RABGAP1L: variants seen among roughly 807,000 people sequenced by gnomAD.
RABGAP1L encodes the protein rab GTPase-activating protein 1-like.
RABGAP1L carries 63 observed loss-of-function variants against 137.7 expected under a neutral mutation model. The observed-to-expected ratio is 0.46, with a 90% CI of 0.37 to 0.56. The LOEUF (loss-of-function observed/expected upper bound fraction) is 0.56, where lower values mean the gene tolerates loss of function less well. Among genes scored for constraint, RABGAP1L ranks in the 20% least tolerant of loss-of-function variants. The probability of loss-of-function intolerance (pLI) is 0.00; values close to 1 mark genes in which losing one functional copy is unlikely to be tolerated. For missense variants in RABGAP1L, 1,095 were observed against 1,244.0 expected (o/e 0.88, Z 1.80); for synonymous variants, 431 against 433.7 (o/e 0.99, Z 0.08).
intron 13 of RABGAP1L, chr1:174,548,629 CTTCCAATATTTCAGTATTTGGCTA>C: frequency 1.1e-6 from 1 of 887,062 alleles, no homozygotes; most frequent in Non-Finnish European, 1.4e-6. Context: ...TACCACCCAT[CTTCCAATATTTCAGTATTTGGCTA>C]GGTTCCCCTC....
chr1:174,163,695 T>C (rs1664689035), intron 1 of RABGAP1L, among the ~76,000 whole-genome samples: 1 of 151,476 alleles, frequency 6.6e-6, no homozygotes, highest in East Asian at 1.9e-4. Flanking sequence ...GTGATAGACA[T>C]AGTACAGCCA....
In RABGAP1L at chr1:174,323,184, C is replaced by CAT. The variant is rs550839728; in HGVS notation, c.1465+18064_1465+18065dup. On this transcript the variant is annotated intron_variant, in intron 11 of 25. Coordinates refer to ENST00000681986, the MANE Select transcript of RABGAP1L (RefSeq NM_001366446.1). Reference sequence around the variant, plus strand: ...TTTGGTTTAAGAATCTGTTTTGTGGCATATATATTAGATATTTAGTATACG... The same window carrying CAT: ...TTTGGTTTAAGAATCTGTTTTGTGGCATATATATATTAGATATTTAGTATACG... 2.0e-5 allele frequency among the ~76,000 whole-genome samples: 3 copies of CAT among 152,058 alleles called. 1 individual carries two copies. The South Asian group carries it at 6.2e-4, about 32-fold the overall frequency.
At chr1:174,252,298 A>G (rs778541224) in intron 6 of RABGAP1L, 182 bp from the exon 7 acceptor site, 45 of 615,718 alleles carry the variant, frequency 7.3e-5, no homozygotes, top group East Asian at 6.6e-4. Flanking sequence ...GTTGCTGACT[A>G]TAAAGTTTAT....
At chr1:174,562,655 C>T (rs1667299752) in intron 13 of RABGAP1L, among the ~76,000 whole-genome samples, 1 of 152,088 alleles carries the variant, frequency 6.6e-6, no homozygotes, top group South Asian at 2.1e-4. Flanking sequence ...ACGTATACAC[C>T]ACGGAATACT....
At chr1:174,216,185 G>T (rs1301263077) in intron 1 of RABGAP1L, among the ~76,000 whole-genome samples, 1 of 152,110 alleles carries the variant, frequency 6.6e-6, no homozygotes, top group African/African-American at 2.4e-5. Context: ...ACATGGGGAT[G>T]GTTAATAGGT....
intron 11 of RABGAP1L, among the ~76,000 whole-genome samples, chr1:174,342,500 A>G (rs1682061579): frequency 6.6e-6 from 1 of 152,234 alleles, no homozygotes; most frequent in African/African-American, 2.4e-5. Flanking sequence ...ATAAATTAAC[A>G]AAACTGTAAA....
intron 13 of RABGAP1L, among the ~76,000 whole-genome samples, chr1:174,552,420 G>A (rs1351449999): frequency 6.6e-6 from 1 of 152,024 alleles, no homozygotes; most frequent in Non-Finnish European, 1.5e-5. Flanking sequence ...GAGAACATGT[G>A]GTATTTGGTT....
chr1:174,662,121 T>TTTG (rs59243192), intron 14 of RABGAP1L, among the ~76,000 whole-genome samples: 10,453 of 135,068 alleles, frequency 0.077, 596 homozygotes, highest in African/African-American at 0.094. Context: ...TTTTTTTTTT[T>TTTG]GAGTTGGAGT....
chr1:174,778,579 C>T (rs908089055), intron 18 of RABGAP1L, among the ~76,000 whole-genome samples: 1 of 152,018 alleles, frequency 6.6e-6, no homozygotes, highest in African/African-American at 2.4e-5. Context: ...TAGCTTTCAA[C>T]AATAAGTCCT....
At chr1:174,654,210 T>C (rs1014513178) in intron 14 of RABGAP1L, among the ~76,000 whole-genome samples, 1 of 152,208 alleles carries the variant, frequency 6.6e-6, no homozygotes, top group African/African-American at 2.4e-5. Context: ...CTGTGCTCAG[T>C]CACAGCTCCT....
intron 18 of RABGAP1L, among the ~76,000 whole-genome samples, chr1:174,779,152 A>G (rs905134377): frequency 2.0e-5 from 3 of 152,096 alleles, no homozygotes; most frequent in Non-Finnish European, 4.4e-5. Context: ...CTCCCATCAA[A>G]AGTATTTGAG....
intron 13 of RABGAP1L, among the ~76,000 whole-genome samples, chr1:174,447,890 G>GCTCC (rs1654951888): frequency 1.4e-5 from 1 of 69,566 alleles, no homozygotes; most frequent in Non-Finnish European, 3.0e-5. Context: ...ACCCCTTACC[G>GCTCC]CCCCCCCCCC....
chr1:174,509,403 CCTCTT>C (rs1262529144), intron 13 of RABGAP1L, among the ~76,000 whole-genome samples: 1 of 152,094 alleles, frequency 6.6e-6, no homozygotes, highest in Non-Finnish European at 1.5e-5. Context: ...ACTCCTACCT[CCTCTT>C]CTTTCTTCCT....
intron 19 of RABGAP1L, among the ~76,000 whole-genome samples, chr1:174,920,765 C>T (rs1661659615): frequency 6.6e-6 from 1 of 152,124 alleles, no homozygotes; most frequent in Admixed American, 6.6e-5. Flanking sequence ...AAGGAAAGAT[C>T]ATGTGAGGAT....
Position 174,957,855 on chromosome 1 carries a change from C to G in RABGAP1L, c.2433+306C>G, listed in dbSNP as rs763786481. On this transcript the variant is annotated intron_variant, in intron 20 of 25. Coordinates refer to ENST00000681986, the MANE Select transcript of RABGAP1L (RefSeq NM_001366446.1). ...AGGTATGTTTTCATTTCAGGAGACTCCCAAATAGCCAACCATAATATTTCT... is the reference window on the plus strand; with the variant it reads ...AGGTATGTTTTCATTTCAGGAGACTGCCAAATAGCCAACCATAATATTTCT... 2.0e-6 allele frequency: 3 copies of G among 1,532,412 alleles called. No homozygotes were observed. The African/African-American group carries it at 4.2e-5, about 21-fold the overall frequency. The allele number at this position is 1,532,412 out of a possible 1,614,324, so 94.9% of individuals were successfully genotyped here. A position where few individuals can be genotyped will look rare whatever the true frequency, so the allele number is the denominator to read the frequency against.
chr1:174,470,241 G>A (rs963459133), intron 13 of RABGAP1L, among the ~76,000 whole-genome samples: 4 of 151,880 alleles, frequency 2.6e-5, no homozygotes, highest in African/African-American at 9.7e-5. Flanking sequence ...TGAATTTCAG[G>A]GTTTAAATCA....
intron 15 of RABGAP1L, among the ~76,000 whole-genome samples, chr1:174,686,499 C>G (rs925444593): frequency 6.6e-6 from 1 of 152,032 alleles, no homozygotes; most frequent in Non-Finnish European, 1.5e-5. Flanking sequence ...GGTCCCTTCC[C>G]TAAGAGGCTG....
chr1:174,818,415 C>T (rs773266056), intron 19 of RABGAP1L, among the ~76,000 whole-genome samples: 12 of 152,166 alleles, frequency 7.9e-5, no homozygotes, highest in East Asian at 3.9e-4. Flanking sequence ...CAATATTTAA[C>T]GAAAAGACAT....
chr1:174,459,884 TG>T (rs1341590259), intron 13 of RABGAP1L, among the ~76,000 whole-genome samples: 1 of 148,434 alleles, frequency 6.7e-6, no homozygotes, highest in Non-Finnish European at 1.5e-5. Context: ...CCCAAACAAA[TG>T]AATAGAAAAA....
Sources: allele counts gnomAD v4.1 joint callset (sites outside exome capture counted in the v4.1 genomes callset), GRCh38; gene constraint gnomAD v4.1.1; transcripts MANE v1.5; gene names NCBI Gene and HGNC (gene_info 2026-07-23, HGNC 2026-07-21).